NCOA1: variants seen among roughly 807,000 people sequenced by gnomAD.
The protein encoded by NCOA1 is Hin-2 protein.
Under a neutral mutation model 150.9 loss-of-function variants are expected in NCOA1, and 35 were observed. The observed-to-expected ratio is 0.23, with a 90% CI of 0.18 to 0.31. NCOA1 has a LOEUF of 0.31. Among genes scored for constraint, NCOA1 ranks in the 10% least tolerant of loss-of-function variants. The pLI is 1.00. For missense variants in NCOA1, 1,491 were observed against 1,749.3 expected (o/e 0.85, Z 2.63); for synonymous variants, 590 against 630.0 (o/e 0.94, Z 0.95).
intron 5 of NCOA1, among the ~76,000 whole-genome samples, chr2:24,664,453 A>G (rs1458459419): frequency 1.3e-5 from 2 of 152,134 alleles, no homozygotes; most frequent in Non-Finnish European, 2.9e-5. Flanking sequence ...GCTCACGCCT[A>G]TAATCCCAAC....
chr2:24,706,007 A>G (rs889877365), intron 12 of NCOA1, among the ~76,000 whole-genome samples: 1 of 151,564 alleles, frequency 6.6e-6, no homozygotes. Context: ...TTTTTTTTTC[A>G]TATTGTGATT....
At chr2:24,629,813 C>CATATATATATATATATATATATAT (rs1356211925) in intron 3 of NCOA1, among the ~76,000 whole-genome samples, 7 of 77,332 alleles carry the variant, frequency 9.1e-5, no homozygotes, top group African/African-American at 3.0e-4. Context: ...AAGTAACATA[C>CATATATATATATATATATATATAT]ATACATATAT....
rs773863763 is a variant in NCOA1 at position 24,707,024 on chromosome 2, C to T, written c.1554C>T (p.Pro518=). The change falls in exon 13 of 23, where the codon CCC becomes CCT. Residue 518 remains proline (P), a synonymous_variant. Coordinates refer to ENST00000348332, the MANE Select transcript of NCOA1 (RefSeq NM_003743.5). The stretch of plus-strand genomic sequence containing the variant: ...CTAATATTTCGACATTAAGCTCTCC[C>T]GTTGGCATGACAAGTAGTGCCTGTA... ...FPPNISTLSS[P]VGMTSSACNN... is the part of the protein sequence containing the mutation. The T allele has an allele frequency of 1.1e-5, 18 of 1,614,054 alleles. No homozygotes were observed. In the East Asian group the frequency reaches 1.6e-4, roughly 14 times the overall value.
At chr2:24,577,192 T>C (rs568456071) in intron 2 of NCOA1, among the ~76,000 whole-genome samples, 21 of 152,136 alleles carry the variant, frequency 1.4e-4, no homozygotes, top group Non-Finnish European at 2.6e-4. Flanking sequence ...AGTTTTGTTA[T>C]CTGTTTTTCT....
intron 7 of NCOA1, among the ~76,000 whole-genome samples, chr2:24,681,768 G>A (rs1672187493): frequency 6.6e-6 from 1 of 150,638 alleles, no homozygotes; most frequent in Non-Finnish European, 1.5e-5. Flanking sequence ...AGGCTGGAGT[G>A]CAGTGGCGCG....
intron 19 of NCOA1, among the ~76,000 whole-genome samples, chr2:24,751,710 C>T (rs1217539420): frequency 1.3e-5 from 2 of 152,058 alleles, no homozygotes; most frequent in Admixed American, 6.5e-5. Flanking sequence ...AATCCTGCTG[C>T]ACAAATAACG....
intron 2 of NCOA1, among the ~76,000 whole-genome samples, chr2:24,571,834 A>G (rs1198530155): frequency 6.6e-6 from 1 of 152,212 alleles, no homozygotes; most frequent in Non-Finnish European, 1.5e-5. Context: ...CCAAAGGATC[A>G]AGTGTATTAT....
chr2:24,698,695 A>C (rs775760018), intron 11 of NCOA1, among the ~76,000 whole-genome samples: 1 of 152,180 alleles, frequency 6.6e-6, no homozygotes, highest in Non-Finnish European at 1.5e-5. Context: ...TTCTTTTGTA[A>C]GAATCTCATT....
At chr2:24,496,137 G>A (rs1170817482) in intron 1 of NCOA1, among the ~76,000 whole-genome samples, 1 of 152,088 alleles carries the variant, frequency 6.6e-6, no homozygotes, top group African/African-American at 2.4e-5. Flanking sequence ...AAAATTCTGT[G>A]ATTTGTAGGT....
chr2:24,563,366 C>T (rs905783135), intron 1 of NCOA1, among the ~76,000 whole-genome samples: 1 of 152,070 alleles, frequency 6.6e-6, no homozygotes, highest in African/African-American at 2.4e-5. Context: ...AGTAACTAGC[C>T]CCACATTTCT....
At chr2:24,626,038 CATGTCTTT>C (rs1669393892) in intron 3 of NCOA1, among the ~76,000 whole-genome samples, 1 of 152,078 alleles carries the variant, frequency 6.6e-6, no homozygotes, top group African/African-American at 2.4e-5. Context: ...TCAGATCTAC[CATGTCTTT>C]ATTGATTTTT....
Position 24,729,626 on chromosome 2 carries a change from C to T in NCOA1, c.3012C>T (p.Leu1004=). 6.2e-7 allele frequency: 1 copy of T among 1,614,214 alleles called. No individual in the cohort carries two copies. The highest frequency in any genetic ancestry group is 8.5e-7 in the Non-Finnish European group (1 of 1,180,040). The change falls in exon 17 of 23, where the codon CTC becomes CTT. Residue 1004 remains leucine, a synonymous_variant. Transcript: ENST00000348332. ...PYSSPSPTAN[L]PSPFQGMVRQ... ...CTTCTCCTTCTCCTACTGCCAATCT[C>T]CCTAGCCCTTTCCAAGGCATGGTCA... is the stretch of plus-strand genomic sequence containing the variant.
chr2:24,656,937 A>ATT (rs1201766941), intron 4 of NCOA1, among the ~76,000 whole-genome samples: 1 of 152,244 alleles, frequency 6.6e-6, no homozygotes, highest in Non-Finnish European at 1.5e-5. Flanking sequence ...TGGAGTGCAC[A>ATT]TATCTCTTCA....
chr2:24,674,938 A>G (rs1558894378), intron 7 of NCOA1, among the ~76,000 whole-genome samples: 1 of 152,126 alleles, frequency 6.6e-6, no homozygotes, highest in Non-Finnish European at 1.5e-5. Context: ...ACCATTCCCT[A>G]CATTTCTTTG....
chr2:24,511,432 G>A (rs1663931082), intron 1 of NCOA1, among the ~76,000 whole-genome samples: 1 of 152,166 alleles, frequency 6.6e-6, no homozygotes, highest in Non-Finnish European at 1.5e-5. Context: ...ACATTCTCCA[G>A]TGAAGTGGCA....
intron 3 of NCOA1, among the ~76,000 whole-genome samples, chr2:24,601,264 G>A (rs1489632658): frequency 6.6e-6 from 1 of 152,062 alleles, no homozygotes; most frequent in Non-Finnish European, 1.5e-5. Context: ...CCAGGCTAGA[G>A]TACAGTGGTA....
chr2:24,715,132 T>A (rs1673953968), intron 14 of NCOA1, among the ~76,000 whole-genome samples: 1 of 151,996 alleles, frequency 6.6e-6, no homozygotes, highest in Non-Finnish European at 1.5e-5. Flanking sequence ...CTGAGAAAAT[T>A]TGTCACCAGC....
At chr2:24,581,376 G>T (rs1215691900) in intron 2 of NCOA1, among the ~76,000 whole-genome samples, 1 of 152,240 alleles carries the variant, frequency 6.6e-6, no homozygotes, top group Non-Finnish European at 1.5e-5. Context: ...AGAATTGAGT[G>T]CCTTATTACA....
At chr2:24,547,110 G>A (rs1307391922) in intron 1 of NCOA1, among the ~76,000 whole-genome samples, 1 of 152,184 alleles carries the variant, frequency 6.6e-6, no homozygotes, top group African/African-American at 2.4e-5. Flanking sequence ...AAGTTTGGAA[G>A]ATTAGTTTGT....
Sources: allele counts gnomAD v4.1 joint callset (sites outside exome capture counted in the v4.1 genomes callset), GRCh38; gene constraint gnomAD v4.1.1; transcripts MANE v1.5; gene names NCBI Gene and HGNC (gene_info 2026-07-23, HGNC 2026-07-21).